The following ARHGAP24 variants were observed in gnomAD, a reference collection of about 807,000 sequenced individuals.
ARHGAP24 encodes Rho GTPase activating protein 24, also known as rho GTPase-activating protein 24.
ARHGAP24 carries 50 observed loss-of-function variants against 76.4 expected under a neutral mutation model. The observed-to-expected ratio is 0.65, with a 90% confidence interval of 0.52 to 0.83. ARHGAP24 has a LOEUF of 0.83. Ranked by LOEUF, ARHGAP24 falls within the 40% of genes least tolerant of loss-of-function variation. The pLI, the probability that ARHGAP24 is intolerant of heterozygous loss-of-function variation, is 0.00. For missense variants in ARHGAP24, 930 were observed against 914.2 expected, an observed-to-expected ratio of 1.02 and a Z score of -0.22; for synonymous variants, 345 against 323.3, an observed-to-expected ratio of 1.07 and a Z score of -0.72.
chr4:85,488,221 AC>A lies in ARHGAP24; in HGVS notation c.-21+12663del, dbSNP rs535625233. ...ACGAAAGAAATTCCTGCTCCCTCCG[AC>A]TTTTTTTTTGCTAAACCTGGGTCTT... On this transcript the variant is annotated intron_variant, in intron 1 of 9. Transcript: ENST00000395184. Among the ~76,000 whole-genome samples the A allele has an allele frequency of 2.4e-3, 356 of 151,030 alleles. 1 individual carries two copies. Among genetic ancestry groups the A allele is most frequent in the African/African-American group, 7.1e-3 (291 of 40,914 alleles).
chr4:85,700,911 T>C (rs1724061760), intron 2 of ARHGAP24, among the ~76,000 whole-genome samples: 1 of 152,210 alleles, frequency 6.6e-6, no homozygotes, highest in Non-Finnish European at 1.5e-5. Context: ...AATATCTCTC[T>C]TTGTTTGTTT....
At chr4:85,850,265 G>C (rs1170233124) in intron 3 of ARHGAP24, among the ~76,000 whole-genome samples, 1 of 152,122 alleles carries the variant, frequency 6.6e-6, no homozygotes, top group Non-Finnish European at 1.5e-5. Context: ...TCTGATGGTA[G>C]TTTGTATTTC....
chr4:85,626,062 C>A (rs1720942666), intron 2 of ARHGAP24, among the ~76,000 whole-genome samples: 1 of 152,202 alleles, frequency 6.6e-6, no homozygotes. Context: ...AACATTTAGT[C>A]CATTTACATT....
intron 2 of ARHGAP24, among the ~76,000 whole-genome samples, chr4:85,691,703 A>G (rs1723667814): frequency 6.6e-6 from 1 of 152,158 alleles, no homozygotes; most frequent in South Asian, 2.1e-4. Context: ...ATCTTTCTCC[A>G]TCCCTTTACT....
At chr4:85,599,471 A>G (rs1033680238) in intron 2 of ARHGAP24, among the ~76,000 whole-genome samples, 20 of 152,158 alleles carry the variant, frequency 1.3e-4, no homozygotes, top group African/African-American at 4.8e-4. Context: ...CATAGAGCAG[A>G]AGCCTCCTTA....
At chr4:85,948,957 G>A (rs1480510053) in intron 5 of ARHGAP24, among the ~76,000 whole-genome samples, 2 of 152,020 alleles carry the variant, frequency 1.3e-5, no homozygotes, top group Non-Finnish European at 2.9e-5. Context: ...TTTAGGTCAC[G>A]TTGCTCTTGT....
intron 2 of ARHGAP24, among the ~76,000 whole-genome samples, chr4:85,598,444 C>T (rs1719913107): frequency 6.6e-6 from 1 of 151,986 alleles, no homozygotes; most frequent in Non-Finnish European, 1.5e-5. Context: ...GGGTAAATTT[C>T]TCTTCCCAAA....
At chr4:85,669,969 C>G (rs992586062) in intron 2 of ARHGAP24, among the ~76,000 whole-genome samples, 10 of 151,932 alleles carry the variant, frequency 6.6e-5, no homozygotes, top group African/African-American at 1.9e-4. Flanking sequence ...CCCCAGAGCA[C>G]TGATCCTCAG....
intron 3 of ARHGAP24, among the ~76,000 whole-genome samples, chr4:85,765,024 G>A (rs550147493): frequency 1.3e-5 from 2 of 152,172 alleles, no homozygotes; most frequent in East Asian, 1.9e-4. Context: ...AGGTTTGTCT[G>A]TGTCTGCTTC....
chr4:85,485,738 G>GT (rs1297372157), intron 1 of ARHGAP24, among the ~76,000 whole-genome samples: 6,602 of 138,174 alleles, frequency 0.048, 440 homozygotes, highest in African/African-American at 0.15. Flanking sequence ...CTTTTGAACA[G>GT]TTTTTTTTTT....
chr4:85,701,706 G>A (rs760893213), intron 2 of ARHGAP24, among the ~76,000 whole-genome samples: 10 of 151,920 alleles, frequency 6.6e-5, no homozygotes, highest in Middle Eastern at 3.4e-3. Context: ...AGAATTGTCT[G>A]GGTGGTCCTG....
chr4:85,675,855 A>G (rs1238390087), intron 2 of ARHGAP24, among the ~76,000 whole-genome samples: 1 of 152,178 alleles, frequency 6.6e-6, no homozygotes, highest in Non-Finnish European at 1.5e-5. Context: ...CAGGATGGTT[A>G]GAGCCAATGC....
chr4:85,963,730 T>C lies in ARHGAP24; in HGVS notation c.600-8306T>C, dbSNP rs1332585835. Among the ~76,000 whole-genome samples, 4 of 152,156 alleles carry C rather than the reference T, an allele frequency of 2.6e-5. No individual in the cohort carries two copies. The South Asian group carries it at 8.3e-4, about 31-fold the overall frequency. Reference sequence around the variant, plus strand: ...ATATTAATTCAAACTAAATGACAACTCTAATGACTAATTTATAAAATAAGT... The same window carrying C: ...ATATTAATTCAAACTAAATGACAACCCTAATGACTAATTTATAAAATAAGT... On this transcript the variant is annotated intron_variant, in intron 5 of 9. Coordinates refer to ENST00000395184, the MANE Select transcript of ARHGAP24 (RefSeq NM_001025616.3).
chr4:85,579,365 C>T (rs544227753), intron 2 of ARHGAP24, among the ~76,000 whole-genome samples: 1 of 152,068 alleles, frequency 6.6e-6, no homozygotes, highest in East Asian at 1.9e-4. Flanking sequence ...GGGGAAAAAA[C>T]AAATGAGTAA....
intron 6 of ARHGAP24, among the ~76,000 whole-genome samples, chr4:85,974,622 A>AT (rs1321233961): frequency 1.3e-5 from 2 of 152,198 alleles, no homozygotes; most frequent in African/African-American, 4.8e-5. Context: ...TTTTCAGTCA[A>AT]TTGTGAGCAT....
chr4:85,652,426 A>T (rs1721980917), intron 2 of ARHGAP24, among the ~76,000 whole-genome samples: 1 of 152,202 alleles, frequency 6.6e-6, no homozygotes, highest in African/African-American at 2.4e-5. Context: ...CCATCATTAG[A>T]GTATAAGTTA....
intron 1 of ARHGAP24, among the ~76,000 whole-genome samples, chr4:85,564,510 G>C (rs936417393): frequency 2.0e-5 from 3 of 151,342 alleles, no homozygotes; most frequent in African/African-American, 4.9e-5. Context: ...CCTGCATGTT[G>C]TGCACATGGA....
intron 2 of ARHGAP24, among the ~76,000 whole-genome samples, chr4:85,672,251 G>A (rs1200732045): frequency 8.5e-5 from 13 of 152,166 alleles, no homozygotes. Context: ...GTTTAATTAA[G>A]CCATGTTGTG....
chr4:85,898,143 G>A (rs1022448209), intron 3 of ARHGAP24, among the ~76,000 whole-genome samples: 2 of 150,430 alleles, frequency 1.3e-5, no homozygotes, highest in African/African-American at 4.9e-5. Flanking sequence ...CAAAAGTACT[G>A]AATTGCTACT....
Sources: allele counts gnomAD v4.1 joint callset (sites outside exome capture counted in the v4.1 genomes callset), GRCh38; gene constraint gnomAD v4.1.1; transcripts MANE v1.5; gene names NCBI Gene and HGNC (gene_info 2026-07-23, HGNC 2026-07-21).